ST3GAL3: variants seen among roughly 807,000 people sequenced by gnomAD.
ST3GAL3 encodes the protein CMP-N-acetylneuraminate-beta-1,4-galactoside alpha-2,3-sialyltransferase.
In ST3GAL3, 21 loss-of-function variants were observed where a neutral mutation model predicts 50.1. The observed-to-expected ratio is 0.42, with a 90% CI of 0.30 to 0.60. ST3GAL3 has a LOEUF of 0.60. Ranked by LOEUF, ST3GAL3 falls within the 20% of genes least tolerant of loss-of-function variation. ST3GAL3 has a pLI of 0.19. For synonymous variants in ST3GAL3, 183 were observed against 190.0 expected (o/e 0.96, Z 0.30); for missense variants, 353 against 489.4 (o/e 0.72, Z 2.63).
chr1:43,778,527 A>G (rs1197038747), intron 2 of ST3GAL3, among the ~76,000 whole-genome samples: 3 of 152,174 alleles, frequency 2.0e-5, no homozygotes, highest in African/African-American at 7.2e-5. Flanking sequence ...ATTCTAGATT[A>G]ATTCTTTTCA....
intron 2 of ST3GAL3, among the ~76,000 whole-genome samples, chr1:43,770,735 A>G (rs897615855): frequency 1.3e-5 from 2 of 152,194 alleles, no homozygotes; most frequent in Non-Finnish European, 2.9e-5. Flanking sequence ...CAAAGCATCT[A>G]ATAAAATCTT....
intron 3 of ST3GAL3, among the ~76,000 whole-genome samples, chr1:43,798,552 C>T (rs2058954042): frequency 6.6e-6 from 1 of 152,152 alleles, no homozygotes; most frequent in South Asian, 2.1e-4. Context: ...GTTCCCACTT[C>T]CTAGACTGTT....
At chr1:43,790,810 G>C (rs943649808) in intron 2 of ST3GAL3, among the ~76,000 whole-genome samples, 4 of 147,944 alleles carry the variant, frequency 2.7e-5, no homozygotes, top group African/African-American at 5.0e-5. Context: ...TTTTTTTTTT[G>C]TATTTTTAGT....
At chr1:43,803,999 G>A (rs141262828) in intron 3 of ST3GAL3, among the ~76,000 whole-genome samples, 92 of 152,318 alleles carry the variant, frequency 6.0e-4, no homozygotes, top group African/African-American at 2.2e-3. Context: ...TTCATACCTG[G>A]GGAGGAGAGT....
chr1:43,815,863 G>A (rs1425213951), intron 4 of ST3GAL3, among the ~76,000 whole-genome samples: 1 of 151,160 alleles, frequency 6.6e-6, no homozygotes, highest in Admixed American at 6.6e-5. Context: ...TCAGGTGCCC[G>A]TTAAACACTG....
intron 5 of ST3GAL3, among the ~76,000 whole-genome samples, chr1:43,855,274 C>T (rs1477793874): frequency 6.6e-6 from 1 of 152,084 alleles, no homozygotes; most frequent in Non-Finnish European, 1.5e-5. Context: ...ATCATAATTC[C>T]AAAAGACACA....
At chr1:43,734,003 G>A (rs1459477380) in intron 1 of ST3GAL3, among the ~76,000 whole-genome samples, 1 of 151,996 alleles carries the variant, frequency 6.6e-6, no homozygotes, top group African/African-American at 2.4e-5. Context: ...CCAGCTACTC[G>A]GGAGGCTGAG....
chr1:43,850,596 C>T (rs997445313), intron 5 of ST3GAL3: 2 of 757,996 alleles, frequency 2.6e-6, no homozygotes, highest in Non-Finnish European at 4.8e-6. Context: ...GTTCTTGTTG[C>T]AGGCAATAGA....
chr1:43,927,910 G>A (rs534379296), intron 11 of ST3GAL3, among the ~76,000 whole-genome samples: 6 of 152,266 alleles, frequency 3.9e-5, no homozygotes, highest in Admixed American at 3.3e-4. Context: ...GGGAAGAAAC[G>A]GTCACCACTT....
chr1:43,759,683 C>T (rs1689571696), intron 2 of ST3GAL3, among the ~76,000 whole-genome samples: 1 of 152,158 alleles, frequency 6.6e-6, no homozygotes, highest in South Asian at 2.1e-4. Context: ...AAAGCGATGG[C>T]AGGTAAAGCT....
chr1:43,893,319 C>A (rs1425051974), intron 5 of ST3GAL3, among the ~76,000 whole-genome samples: 1 of 152,222 alleles, frequency 6.6e-6, no homozygotes, highest in Non-Finnish European at 1.5e-5. Context: ...GAGGCCCAGG[C>A]CTCCACACAT....
intron 3 of ST3GAL3, among the ~76,000 whole-genome samples, chr1:43,809,612 GC>G (rs1216297863): frequency 2.0e-5 from 3 of 151,508 alleles, no homozygotes; most frequent in Non-Finnish European, 2.9e-5. Flanking sequence ...CAGGAAGATT[GC>G]TTGAGCCCAG....
chr1:43,797,778 A>C (rs2058848413), intron 3 of ST3GAL3, among the ~76,000 whole-genome samples: 1 of 152,186 alleles, frequency 6.6e-6, no homozygotes, highest in African/African-American at 2.4e-5. Flanking sequence ...ACAGAATGGA[A>C]AGGAAGAAAC....
intron 2 of ST3GAL3, chr1:43,736,862 TGCTGC>T: frequency 1.6e-5 from 4 of 246,294 alleles, no homozygotes; most frequent in Admixed American, 5.2e-5. Context: ...TTGTAGCCGT[TGCTGC>T]TATTGAACTT....
rs1445740360 is a variant in ST3GAL3, at chr1:43,814,917, A to C, written c.193A>C (p.Asn65His). ...GTATGATCGGTTGGGCTTCCTCCTG[A>C]ATCTGGACTCTAAACTGTGAGTAGA... Reference protein sequence around the residue: ...SEYDRLGFLLNLDSKLPAELA... With the variant: ...SEYDRLGFLLHLDSKLPAELA... Residue 65 changes from asparagine to histidine, a missense_variant, in exon 4 of 12, where the codon AAT becomes CAT. By Grantham distance (68) the Asn-to-His change is moderately conservative. Transcript: ENST00000347631. The C allele has an allele frequency of 1.2e-6, 2 of 1,613,922 alleles. No individual in the cohort carries two copies. Among genetic ancestry groups the C allele is most frequent in the Non-Finnish European group, 1.7e-6 (2 of 1,180,002 alleles).
chr1:43,927,423 A>G (rs2084198769), intron 11 of ST3GAL3, among the ~76,000 whole-genome samples: 1 of 152,230 alleles, frequency 6.6e-6, no homozygotes, highest in Admixed American at 6.5e-5. Context: ...ATGAACAGTA[A>G]TTCCTTAATA....
At chr1:43,873,451 T>C (rs1334831900) in intron 5 of ST3GAL3, among the ~76,000 whole-genome samples, 1 of 151,970 alleles carries the variant, frequency 6.6e-6, no homozygotes, top group African/African-American at 2.4e-5. Flanking sequence ...ACATGCAGAG[T>C]TTGAGATGCC....
At chr1:43,779,775 A>G (rs1172460253) in intron 2 of ST3GAL3, among the ~76,000 whole-genome samples, 1 of 152,172 alleles carries the variant, frequency 6.6e-6, no homozygotes, top group Non-Finnish European at 1.5e-5. Flanking sequence ...TTTTCATTGT[A>G]TGTTTTGTTT....
At chr1:43,771,764 G>C in intron 2 of ST3GAL3, 1 of 391,306 alleles carries the variant, frequency 2.6e-6, no homozygotes, top group Non-Finnish European at 4.5e-6. Context: ...GTGTGTGTGT[G>C]TGTGTGTATA....
Sources: gnomAD v4.1 joint callset for allele counts (sites outside exome capture counted in the v4.1 genomes callset) on GRCh38, gnomAD v4.1.1 for gene constraint, MANE v1.5 for transcripts, NCBI Gene and HGNC (gene_info 2026-07-23, HGNC 2026-07-21) for gene names.